The following SLC7A1 variants were observed in gnomAD, a reference collection of about 807,000 sequenced individuals.
SLC7A1 encodes solute carrier family 7 member 1.
A neutral mutation model predicts 53.9 loss-of-function variants in SLC7A1; 10 were observed. That is an observed-to-expected ratio of 0.19 (90% CI 0.11 to 0.31). The LOEUF is 0.31. Among genes scored for constraint, SLC7A1 ranks in the 10% least tolerant of loss-of-function variants. The pLI, the probability that SLC7A1 is intolerant of heterozygous loss-of-function variation, is 1.00. For synonymous variants in SLC7A1, 342 were observed against 338.7 expected (o/e 1.01, Z -0.11); for missense variants, 525 against 827.2 (o/e 0.63, Z 4.48).
intron 2 of SLC7A1, among the ~76,000 whole-genome samples, chr13:29,544,864 C>T (rs1165973670): frequency 7.6e-5 from 2 of 26,458 alleles, no homozygotes; most frequent in Non-Finnish European, 3.7e-4. Context: ...GCACCTGCCT[C>T]ATCGGGGGGG....
chr13:29,565,379 G>C (rs1251318432), intron 1 of SLC7A1, among the ~76,000 whole-genome samples: 1 of 152,190 alleles, frequency 6.6e-6, no homozygotes, highest in Non-Finnish European at 1.5e-5. Flanking sequence ...CTTCAGGGCA[G>C]GGCCAACAGA....
intron 1 of SLC7A1, among the ~76,000 whole-genome samples, chr13:29,585,933 T>C (rs9550483): frequency 1.3e-5 from 2 of 152,068 alleles, no homozygotes; most frequent in Admixed American, 1.3e-4. Flanking sequence ...TTGGTAGCCT[T>C]GGATGCTCAA....
intron 4 of SLC7A1, among the ~76,000 whole-genome samples, chr13:29,532,216 G>A (rs1229542151): frequency 2.0e-5 from 3 of 152,296 alleles, no homozygotes; most frequent in Admixed American, 1.3e-4. Flanking sequence ...CAAAACTCGC[G>A]CTGCACTGGC....
chr13:29,533,348 T>G (rs1869262288), intron 3 of SLC7A1, among the ~76,000 whole-genome samples: 2 of 152,104 alleles, frequency 1.3e-5, no homozygotes, highest in East Asian at 3.9e-4. Context: ...AAGTAAACAT[T>G]GATGACAACT....
chr13:29,582,628 C>T (rs922287790), intron 1 of SLC7A1, among the ~76,000 whole-genome samples: 3 of 152,184 alleles, frequency 2.0e-5, no homozygotes, highest in African/African-American at 4.8e-5. Context: ...GTGCTTGCTA[C>T]TCCCAGTGAC....
At chr13:29,592,761 C>G (rs1269249667) in intron 1 of SLC7A1, among the ~76,000 whole-genome samples, 2 of 152,096 alleles carry the variant, frequency 1.3e-5, no homozygotes, top group Admixed American at 6.5e-5. Context: ...AGGTCTAAAC[C>G]CTGGGGTGGA....
At position 29,532,981 on chromosome 13, in the gene SLC7A1, A is replaced by G. The variant is rs200789208; in HGVS notation, c.372T>C (p.Gly124=). 1 of 1,580,284 alleles carries G rather than the reference A, an allele frequency of 6.3e-7. No individual in the cohort carries two copies. ...TCCAGGCCCTCGCTACGCTTGAAGT[A>G]CCTGCCACAAAGCACACACAACAGA... ...GWNLILSYII[G]TSSVARAWSA... is the part of the protein sequence containing the mutation. The change falls in exon 4 of 13, where the codon GGT becomes GGC. Residue 124 remains glycine (G), a splice_region_variant and synonymous_variant. Coordinates refer to ENST00000380752, the MANE Select transcript of SLC7A1 (RefSeq NM_003045.5).
At chr13:29,587,894 C>T (rs958158242) in intron 1 of SLC7A1, among the ~76,000 whole-genome samples, 3 of 152,134 alleles carry the variant, frequency 2.0e-5, no homozygotes, top group Non-Finnish European at 2.9e-5. Context: ...GGAGGGATCA[C>T]GAGTCTGTGT....
In SLC7A1 at chr13:29,532,876, C is replaced by T; in HGVS notation, c.477G>A (p.Val159=). Residue 159 remains valine, a synonymous_variant, in exon 4 of 13, where the codon GTG becomes GTA. Transcript: ENST00000380752. ...CGAATATGTCGGGGTTTTCAGCCAG[C>T]ACGCCGGGGGCGTTCAGAGTCATGT... is the stretch of plus-strand genomic sequence containing the variant. ...RTHMTLNAPG[V]LAENPDIFAV... 3 of 1,614,044 alleles carry T rather than the reference C, an allele frequency of 1.9e-6. No homozygotes were observed. The highest frequency in any genetic ancestry group is 2.5e-6 in the Non-Finnish European group (3 of 1,179,982).
Position 29,536,122 on chromosome 13 carries a change from G to A in SLC7A1, c.67C>T (p.Arg23Trp), listed in dbSNP as rs140563450. 1.4e-5 allele frequency: 23 copies of A among 1,613,870 alleles called. No individual in the cohort carries two copies. The highest frequency in any genetic ancestry group is 1.6e-4 in the Middle Eastern group (1 of 6,084). ...CAGCGAGACAGCCGCGTCTCCTCCCGGCTACAGTCCACCACCTTCCGCCGC... is the reference window on the plus strand; with the variant it reads ...CAGCGAGACAGCCGCGTCTCCTCCCAGCTACAGTCCACCACCTTCCGCCGC... ...MLRRKVVDCS[R>W]EETRLSRCLN... The change falls in exon 3 of 13, where the codon CGG (arginine) becomes TGG (tryptophan). Residue 23 changes from arginine (R) to tryptophan (W), a missense_variant. Coordinates refer to ENST00000380752, the MANE Select transcript of SLC7A1 (RefSeq NM_003045.5).
intron 4 of SLC7A1, among the ~76,000 whole-genome samples, chr13:29,531,265 G>T (rs1242276410): frequency 1.3e-5 from 2 of 152,064 alleles, no homozygotes; most frequent in African/African-American, 4.8e-5. Context: ...GTTGGACTCA[G>T]TGCATATAAA....
chr13:29,595,014 G>T (rs1872251128), intron 1 of SLC7A1, among the ~76,000 whole-genome samples: 1 of 152,026 alleles, frequency 6.6e-6, no homozygotes, highest in Middle Eastern at 3.5e-3. Flanking sequence ...GGCGGGCTCC[G>T]TGTGCCTCCC....
rs150395274 is a variant in SLC7A1 at position 29,592,027 on chromosome 13, A to G, written c.-115+3389T>C. On this transcript the variant is annotated intron_variant, in intron 1 of 12. Coordinates refer to ENST00000380752, the MANE Select transcript of SLC7A1 (RefSeq NM_003045.5). ...CTCCCAATATACAGATGGAGCCAGT[A>G]TGTAAGGTTCACGAAGTCTAAATTA... Among the ~76,000 whole-genome samples, 137 of 152,328 alleles carry G rather than the reference A, an allele frequency of 9.0e-4. 1 individual carries two copies. The highest frequency in any genetic ancestry group is 3.1e-3 in the African/African-American group (127 of 41,576).
chr13:29,524,190 C>G lies in SLC7A1; in HGVS notation c.768G>C (p.Leu256=). The change falls in exon 6 of 13, where the codon CTG becomes CTC. Residue 256 remains leucine (L), a synonymous_variant. Transcript: ENST00000380752. The stretch of plus-strand genomic sequence containing the variant: ...CATAGAAGCAAGTCGCTGCCCCCGA[C>G]AGGACACCAGAGAACCCGAAGGGCA... ...GFMPFGFSGV[L]SGAATCFYAF... 1 of 1,614,160 alleles carries G rather than the reference C, an allele frequency of 6.2e-7. No homozygotes were observed. Among genetic ancestry groups the G allele is most frequent in the Non-Finnish European group, 8.5e-7 (1 of 1,179,996 alleles).
At chr13:29,514,658 G>A in intron 12 of SLC7A1, 75 bp from the exon 13 acceptor site, 1 of 1,166,622 alleles carries the variant, frequency 8.6e-7, no homozygotes, top group Non-Finnish European at 1.2e-6. Context: ...AGAGCCCAGG[G>A]CGGTCCCACA....
chr13:29,540,255 T>G (rs965225170), intron 2 of SLC7A1, among the ~76,000 whole-genome samples: 19 of 152,188 alleles, frequency 1.2e-4, no homozygotes, highest in African/African-American at 4.6e-4. Context: ...GAGGAATTTA[T>G]ACAACAGTTG....
chr13:29,525,671 G>A (rs1868853046), intron 5 of SLC7A1, among the ~76,000 whole-genome samples: 1 of 152,216 alleles, frequency 6.6e-6, no homozygotes, highest in African/African-American at 2.4e-5. Flanking sequence ...GTACATGCAT[G>A]AGAAAGCTCA....
chr13:29,516,233 G>A lies in SLC7A1; in HGVS notation c.1691C>T (p.Pro564Leu). ...TKLSFKVPFLPVLPILSIFVN... is the reference protein window; with the variant it reads ...TKLSFKVPFLLVLPILSIFVN... ...GAAGATGCTCAGGATGGGGAGCACT[G>A]GCAGGAAGGGAACCTGAAGAGACAG... Residue 564 changes from proline (P) to leucine (L), a missense_variant, in exon 12 of 13, where the codon CCA (proline) becomes CTA (leucine). Transcript: ENST00000380752. 1 of 1,612,140 alleles carries A rather than the reference G, an allele frequency of 6.2e-7. No homozygotes were observed.
intron 9 of SLC7A1, among the ~76,000 whole-genome samples, chr13:29,518,503 A>C (rs539239361): frequency 6.6e-6 from 1 of 152,326 alleles, no homozygotes; most frequent in African/African-American, 2.4e-5. Flanking sequence ...AAGAGGGAGT[A>C]TAAAGATATT....
Sources: gnomAD v4.1 joint callset for allele counts (sites outside exome capture counted in the v4.1 genomes callset) on GRCh38, gnomAD v4.1.1 for gene constraint, MANE v1.5 for transcripts, NCBI Gene and HGNC (gene_info 2026-07-23, HGNC 2026-07-21) for gene names.